PSTPIP2: variants seen among roughly 807,000 people sequenced by gnomAD.
PSTPIP2 encodes the protein proline-serine-threonine phosphatase-interacting protein 2.
A neutral mutation model predicts 63.3 loss-of-function variants in PSTPIP2; 33 were observed. That is an observed-to-expected ratio of 0.52 (90% confidence interval 0.40 to 0.70). PSTPIP2 has a LOEUF of 0.70. Ranked by LOEUF, PSTPIP2 falls within the 30% of genes least tolerant of loss-of-function variation. The pLI, the probability that PSTPIP2 is intolerant of heterozygous loss-of-function variation, is 0.00. For missense variants in PSTPIP2, 312 were observed against 400.7 expected, an observed-to-expected ratio of 0.78 and a Z score of 1.89; for synonymous variants, 125 against 132.7, an observed-to-expected ratio of 0.94 and a Z score of 0.40.
At chr18:45,999,642 T>TGACAATCAGA in intron 6 of PSTPIP2, 108 bp from the exon 7 acceptor site, 1 of 1,055,190 alleles carries the variant, frequency 9.5e-7, no homozygotes, top group Non-Finnish European at 1.4e-6. Flanking sequence ...GTCTGATTAG[T>TGACAATCAGA]GCTCTGATTG....
At chr18:46,049,332 G>A (rs184022885) in intron 1 of PSTPIP2, among the ~76,000 whole-genome samples, 63 of 152,078 alleles carry the variant, frequency 4.1e-4, no homozygotes, top group African/African-American at 1.4e-3. Flanking sequence ...GAAGGAGGGA[G>A]ATGATCAGAA....
intron 9 of PSTPIP2, among the ~76,000 whole-genome samples, chr18:45,995,437 A>G (rs1461197616): frequency 1.3e-5 from 2 of 152,200 alleles, no homozygotes; most frequent in African/African-American, 2.4e-5. Context: ...ATGTATCTGT[A>G]TATGTACATG....
At chr18:46,049,108 G>A (rs1908492639) in intron 1 of PSTPIP2, among the ~76,000 whole-genome samples, 1 of 151,636 alleles carries the variant, frequency 6.6e-6, no homozygotes, top group Admixed American at 6.6e-5. Context: ...AAATCCAAGT[G>A]AAGAGCACAT....
chr18:45,989,373 C>T (rs1307154048), intron 13 of PSTPIP2, among the ~76,000 whole-genome samples: 1 of 152,102 alleles, frequency 6.6e-6, no homozygotes, highest in African/African-American at 2.4e-5. Context: ...CAGTGGTTTC[C>T]GCTTTTGCAT....
Position 46,024,604 on chromosome 18 carries a change from C to G in PSTPIP2, c.212+5G>C. ...CTGGAAACCAGAAAAAAACTTGATA[C>G]ATACTTGATTTCAGACTGTCCACAC... is the stretch of plus-strand genomic sequence containing the variant. On this transcript the variant is annotated splice_donor_5th_base_variant and intron_variant, in intron 3 of 14. Coordinates refer to ENST00000409746, the MANE Select transcript of PSTPIP2 (RefSeq NM_024430.4). The G allele has an allele frequency of 6.2e-7, 1 of 1,612,630 alleles. No individual in the cohort carries two copies. Among genetic ancestry groups the G allele is most frequent in the Non-Finnish European group, 8.5e-7 (1 of 1,178,708 alleles).
chr18:45,994,259 C>T (rs992586511), intron 9 of PSTPIP2, among the ~76,000 whole-genome samples: 8 of 152,198 alleles, frequency 5.3e-5, no homozygotes, highest in Non-Finnish European at 8.8e-5. Context: ...AAAAATCAAG[C>T]TGTTCTATGA....
intron 1 of PSTPIP2, among the ~76,000 whole-genome samples, chr18:46,049,272 G>A (rs1166289608): frequency 6.6e-6 from 1 of 151,956 alleles, no homozygotes; most frequent in Non-Finnish European, 1.5e-5. Context: ...AGAACACATG[G>A]ACACATAGAG....
At chr18:46,026,593 G>T (rs1450909695) in intron 2 of PSTPIP2, among the ~76,000 whole-genome samples, 1 of 152,160 alleles carries the variant, frequency 6.6e-6, no homozygotes, top group East Asian at 1.9e-4. Flanking sequence ...GTACAGGCTG[G>T]GCATGGGTGC....
intron 14 of PSTPIP2, 134 bp downstream of exon 14, chr18:45,988,568 A>G: frequency 2.8e-6 from 2 of 720,962 alleles, no homozygotes; most frequent in Non-Finnish European, 4.8e-6. Flanking sequence ...AAGGGACAGC[A>G]TGCTGGCCAG....
intron 2 of PSTPIP2, among the ~76,000 whole-genome samples, chr18:46,026,095 T>A (rs1229334530): frequency 1.3e-5 from 2 of 152,172 alleles, no homozygotes; most frequent in Non-Finnish European, 2.9e-5. Context: ...GTGGATTTAC[T>A]AGGTCAGGGG....
intron 13 of PSTPIP2, chr18:45,989,954 T>C (rs2051508801): frequency 6.6e-6 from 1 of 152,196 alleles, no homozygotes; most frequent in African/African-American, 2.4e-5. Context: ...CCCATACAAC[T>C]AATAAGAAGT....
At position 45,992,170 on chromosome 18, in the gene PSTPIP2, C is replaced by G; in HGVS notation, c.774G>C (p.Met258Ile). Residue 258 changes from methionine to isoleucine, a missense_variant, in exon 11 of 15, where the codon ATG becomes ATC. Transcript: ENST00000409746. ...ATTCAATGTCCCTCTGAATGCTGCA[C>G]ATTTCTAAACTCTTTCGGACTTGTT... ...MYEQVRKSLE[M>I]CSIQRDIEYF... 6.2e-7 allele frequency: 1 copy of G among 1,604,390 alleles called. No individual in the cohort carries two copies. Among genetic ancestry groups the G allele is most frequent in the Non-Finnish European group, 8.5e-7 (1 of 1,175,048 alleles).
intron 9 of PSTPIP2, among the ~76,000 whole-genome samples, chr18:45,994,404 T>C (rs1191960908): frequency 6.6e-6 from 1 of 152,162 alleles, no homozygotes. Flanking sequence ...TTTTCCACTC[T>C]ATGAGGAGAA....
chr18:45,992,505 T>A (rs983757602), intron 10 of PSTPIP2, among the ~76,000 whole-genome samples: 2 of 149,812 alleles, frequency 1.3e-5, no homozygotes, highest in Admixed American at 1.3e-4. Flanking sequence ...GAGATTGCAG[T>A]GAGCCAAGAT....
At chr18:45,987,988 G>A (rs1476762167) in intron 14 of PSTPIP2, among the ~76,000 whole-genome samples, 2 of 152,172 alleles carry the variant, frequency 1.3e-5, no homozygotes, top group African/African-American at 2.4e-5. Context: ...GATATCATTT[G>A]CACTTCTTTT....
chr18:46,000,564 C>A (rs1599703135), intron 6 of PSTPIP2, among the ~76,000 whole-genome samples: 1 of 152,190 alleles, frequency 6.6e-6, no homozygotes, highest in South Asian at 2.1e-4. Flanking sequence ...GACAGGGTTT[C>A]ACTATGTTGG....
chr18:46,029,726 T>C, intron 2 of PSTPIP2: 1 of 642,312 alleles, frequency 1.6e-6, no homozygotes, highest in South Asian at 1.8e-5. Context: ...CTGTACAGTA[T>C]TTCAAACTTC....
chr18:45,985,296 G>T lies in PSTPIP2; in HGVS notation c.*163C>A, dbSNP rs1042981961. The T allele has an allele frequency of 2.1e-6, 2 of 970,026 alleles. No homozygotes were observed. Among genetic ancestry groups the T allele is most frequent in the Non-Finnish European group, 3.1e-6 (2 of 651,552 alleles). 60.1% of individuals were successfully genotyped at this position (970,026 alleles called of 1,614,324 possible). A position where few individuals can be genotyped will look rare whatever the true frequency, so the allele number is the denominator to read the frequency against. ...CTGCAGAACTCTACTTGCTTATGTTGTCCTAAATGTCTACCATAAATTTTA... is the reference window on the plus strand; with the variant it reads ...CTGCAGAACTCTACTTGCTTATGTTTTCCTAAATGTCTACCATAAATTTTA... On this transcript the variant is annotated 3_prime_UTR_variant, in exon 15 of 15. Coordinates refer to ENST00000409746, the MANE Select transcript of PSTPIP2 (RefSeq NM_024430.4).
At chr18:46,047,677 C>T (rs1198300822) in intron 1 of PSTPIP2, among the ~76,000 whole-genome samples, 6 of 151,036 alleles carry the variant, frequency 4.0e-5, no homozygotes, top group South Asian at 2.1e-4. Context: ...GCAACAAGAG[C>T]GAAATTCCAT....
Sources: allele counts gnomAD v4.1 joint callset (sites outside exome capture counted in the v4.1 genomes callset), GRCh38; gene constraint gnomAD v4.1.1; transcripts MANE v1.5; gene names NCBI Gene and HGNC (gene_info 2026-07-23, HGNC 2026-07-21).